The following ASZ1 variants were observed in gnomAD, a reference collection of about 807,000 sequenced individuals.
The protein encoded by ASZ1 is ankyrin repeat, SAM and basic leucine zipper domain containing 1.
A neutral mutation model predicts 61.8 loss-of-function variants in ASZ1; 67 were observed. The ratio of observed to expected loss-of-function variants is 1.08; its 90% CI spans 0.89 to 1.33. The LOEUF is 1.33. ASZ1 is among the 40% of genes most tolerant of loss of function. The pLI is 0.00. For synonymous variants in ASZ1, 193 were observed against 192.7 expected (o/e 1.00, Z -0.01); for missense variants, 577 against 554.5 (o/e 1.04, Z -0.41).
chr7:117,394,303 C>T (rs1354205621), intron 4 of ASZ1, among the ~76,000 whole-genome samples: 1 of 152,154 alleles, frequency 6.6e-6, no homozygotes, highest in Non-Finnish European at 1.5e-5. Flanking sequence ...AGGTTGGTCT[C>T]AAACTCTTGC....
At chr7:117,370,849 T>A (rs1000396830) in intron 10 of ASZ1, among the ~76,000 whole-genome samples, 62 of 147,584 alleles carry the variant, frequency 4.2e-4, no homozygotes, top group South Asian at 4.0e-3. Flanking sequence ...TGTGTGTGTG[T>A]GACAGAGTCT....
chr7:117,379,033 G>A (rs1562847554), intron 10 of ASZ1, among the ~76,000 whole-genome samples: 1 of 150,842 alleles, frequency 6.6e-6, no homozygotes, highest in East Asian at 1.9e-4. Context: ...TTGGGATGGG[G>A]AGAAGGTTAG....
intron 10 of ASZ1, among the ~76,000 whole-genome samples, chr7:117,369,654 A>G (rs1036742757): frequency 6.6e-6 from 1 of 152,190 alleles, no homozygotes; most frequent in Non-Finnish European, 1.5e-5. Flanking sequence ...CTTTAGGAGA[A>G]TAAACTGAAA....
At chr7:117,368,502 A>C in intron 11 of ASZ1, 110 bp downstream of exon 11, 11 of 1,476,838 alleles carry the variant, frequency 7.4e-6, no homozygotes, top group Non-Finnish European at 8.9e-6. Context: ...TTTGCAGAAC[A>C]AACGATGTAA....
intron 4 of ASZ1, among the ~76,000 whole-genome samples, chr7:117,398,154 A>G (rs75130194): frequency 0.063 from 9,559 of 152,202 alleles, 1,003 homozygotes; most frequent in African/African-American, 0.22. Context: ...AAACACTCCT[A>G]TCCTATGGAG....
intron 1 of ASZ1, 111 bp downstream of exon 1, chr7:117,427,245 A>G: frequency 8.2e-7 from 1 of 1,220,930 alleles, no homozygotes; most frequent in South Asian, 1.3e-5. Context: ...TCCACTGGGT[A>G]AAAGGGAAAT....
rs975862244 is a variant in ASZ1, at chr7:117,422,236, C to A, written c.328+1G>T. On this transcript the variant is annotated splice_donor_variant, in intron 3 of 12. Coordinates refer to ENST00000284629, the MANE Select transcript of ASZ1 (RefSeq NM_130768.3). LOFTEE classifies it high-confidence loss of function. ...CATTTAAGTTATCTAAAACATCTTA[C>A]CCTTCTCAAAGCTTGCATTAGCACC... 1 of 1,612,226 alleles carries A rather than the reference C, an allele frequency of 6.2e-7. No homozygotes were observed. Among genetic ancestry groups the A allele is most frequent in the Non-Finnish European group, 8.5e-7 (1 of 1,179,458 alleles).
intron 4 of ASZ1, among the ~76,000 whole-genome samples, chr7:117,396,811 T>C (rs946306643): frequency 6.6e-6 from 1 of 152,122 alleles, no homozygotes; most frequent in African/African-American, 2.4e-5. Context: ...AGGCTTTTTT[T>C]TCCCTTAGGT....
chr7:117,427,354 A>T lies in ASZ1; in HGVS notation c.105+2T>A. The T allele has an allele frequency of 6.2e-7, 1 of 1,614,102 alleles. No homozygotes were observed. The highest frequency in any genetic ancestry group is 1.3e-5 in the African/African-American group (1 of 75,042). The stretch of plus-strand genomic sequence containing the variant: ...TGGTCAAGACAAGGCCTCCTCCGCT[A>T]CCTGAGACGTCCGGTCGAGATACCC... On this transcript the variant is annotated splice_donor_variant, in intron 1 of 12. Transcript: ENST00000284629. LOFTEE classifies it high-confidence loss of function.
intron 4 of ASZ1, among the ~76,000 whole-genome samples, chr7:117,392,401 T>C (rs892666066): frequency 6.6e-6 from 1 of 152,202 alleles, no homozygotes; most frequent in Non-Finnish European, 1.5e-5. Context: ...ATCTTTTACC[T>C]TCTTGGTTAG....
In ASZ1 at chr7:117,384,812, A is replaced by G. The variant is rs373251049; in HGVS notation, c.601T>C (p.Leu201=). ...ATTTTATTAGCTCCAAGTTCAAGCAACTTCAAAACTATATTTTTATGACCC... is the reference window on the plus strand; with the variant it reads ...ATTTTATTAGCTCCAAGTTCAAGCAGCTTCAAAACTATATTTTTATGACCC... ...RQGHKNIVLK[L]LELGANKMLQ... is the part of the protein sequence containing the mutation. The change falls in exon 6 of 13, where the codon TTG becomes CTG. Residue 201 remains leucine, a synonymous_variant. Coordinates refer to ENST00000284629, the MANE Select transcript of ASZ1 (RefSeq NM_130768.3). The G allele has an allele frequency of 6.2e-7, 1 of 1,609,364 alleles. No homozygotes were observed. Among genetic ancestry groups the G allele is most frequent in the Non-Finnish European group, 8.5e-7 (1 of 1,178,434 alleles).
intron 10 of ASZ1, among the ~76,000 whole-genome samples, chr7:117,377,090 G>A (rs528155507): frequency 2.6e-5 from 4 of 152,170 alleles, no homozygotes; most frequent in East Asian, 1.9e-4. Flanking sequence ...ATGTACAGTC[G>A]AGACACAAAA....
At chr7:117,375,227 C>CA (rs1299576892) in intron 10 of ASZ1, among the ~76,000 whole-genome samples, 3 of 151,958 alleles carry the variant, frequency 2.0e-5, no homozygotes, top group Non-Finnish European at 2.9e-5. Context: ...AGAGGCCTTA[C>CA]AGGGTTTGTA....
At chr7:117,391,668 G>A (rs76832811) in intron 4 of ASZ1, among the ~76,000 whole-genome samples, 3,193 of 152,242 alleles carry the variant, frequency 0.021, 112 homozygotes, top group African/African-American at 0.073. Context: ...GTCTGTACCT[G>A]TACAATACTG....
chr7:117,395,909 T>C (rs903406279), intron 4 of ASZ1, among the ~76,000 whole-genome samples: 3 of 152,146 alleles, frequency 2.0e-5, no homozygotes, highest in Non-Finnish European at 4.4e-5. Context: ...TTACAACCAC[T>C]CAACTCTGCT....
intron 12 of ASZ1, 131 bp from the exon 13 acceptor site, chr7:117,363,879 T>C (rs1314312047): frequency 8.8e-6 from 6 of 681,330 alleles, no homozygotes; most frequent in African/African-American, 5.6e-5. Flanking sequence ...CAACTCAAGA[T>C]TCCCATGGAA....
intron 10 of ASZ1, among the ~76,000 whole-genome samples, chr7:117,374,489 T>A (rs1255256267): frequency 6.6e-6 from 1 of 152,102 alleles, no homozygotes; most frequent in Admixed American, 6.6e-5. Flanking sequence ...AACCATAATA[T>A]GTTTCAAAAG....
At position 117,422,274 on chromosome 7, in the gene ASZ1, G is replaced by A. The variant is rs755190413; in HGVS notation, c.291C>T (p.Val97=). 2 of 1,613,566 alleles carry A rather than the reference G, an allele frequency of 1.2e-6. No individual in the cohort carries two copies. Among genetic ancestry groups the A allele is most frequent in the African/African-American group, 2.7e-5 (2 of 74,886 alleles). ...TTGCATTAGCACCTCTGTCCAAAAG[G>A]ACCCGAACCAGCTCTGCATTGGCAA... ...ASVANAELVR[V]LLDRGANASF... The change falls in exon 3 of 13, where the codon GTC becomes GTT. Residue 97 remains valine, a synonymous_variant. Transcript: ENST00000284629.
chr7:117,367,589 T>C, intron 11 of ASZ1, 124 bp from the exon 12 acceptor site: 1 of 1,185,602 alleles, frequency 8.4e-7, no homozygotes, highest in Admixed American at 4.2e-5. Context: ...TTTTTTTGTT[T>C]AGGATAAATA....
Sources: gnomAD v4.1 joint callset for allele counts (sites outside exome capture counted in the v4.1 genomes callset) on GRCh38, gnomAD v4.1.1 for gene constraint, MANE v1.5 for transcripts, NCBI Gene and HGNC (gene_info 2026-07-23, HGNC 2026-07-21) for gene names.